The following CACNA1E variants were observed in gnomAD, a reference collection of about 807,000 sequenced individuals.
CACNA1E encodes calcium voltage-gated channel subunit alpha1 E.
CACNA1E carries 40 observed loss-of-function variants against 259.2 expected under a neutral mutation model. The observed-to-expected ratio is 0.15, with a 90% confidence interval of 0.12 to 0.20. CACNA1E has a LOEUF of 0.20. Ranked by LOEUF, CACNA1E falls within the 10% of genes least tolerant of loss-of-function variation. The pLI is 1.00. For missense variants in CACNA1E, 1,874 were observed against 3,040.1 expected (o/e 0.62, Z 9.02); for synonymous variants, 1,104 against 1,138.5 (o/e 0.97, Z 0.61).
chr1:181,637,261 A>G (rs1657300806), intron 6 of CACNA1E, among the ~76,000 whole-genome samples: 1 of 152,202 alleles, frequency 6.6e-6, no homozygotes, highest in African/African-American at 2.4e-5. Context: ...CTTTGTGGCA[A>G]GATATACCTG....
At chr1:181,683,157 A>T (rs1225391799) in intron 7 of CACNA1E, among the ~76,000 whole-genome samples, 3 of 152,116 alleles carry the variant, frequency 2.0e-5, no homozygotes, top group Non-Finnish European at 4.4e-5. Flanking sequence ...GAGTACAGCA[A>T]GGGCATCTTA....
chr1:181,728,837 C>G (rs12063786), intron 18 of CACNA1E, among the ~76,000 whole-genome samples: 9 of 133,548 alleles, frequency 6.7e-5, no homozygotes, highest in South Asian at 5.1e-4. Flanking sequence ...ACCCTGCTCA[C>G]GTGTGTGTAC....
intron 1 of CACNA1E, among the ~76,000 whole-genome samples, chr1:181,327,487 C>A (rs1650888299): frequency 6.6e-6 from 1 of 152,244 alleles, no homozygotes; most frequent in African/African-American, 2.4e-5. Flanking sequence ...TTATATCCAA[C>A]AATTTGTAAT....
chr1:181,698,547 T>G (rs75850019), intron 7 of CACNA1E, among the ~76,000 whole-genome samples: 2,004 of 152,268 alleles, frequency 0.013, 48 homozygotes, highest in African/African-American at 0.046. Context: ...CCAATACAGT[T>G]TTTATTTTTA....
At chr1:181,679,661 G>A (rs182705886) in intron 7 of CACNA1E, among the ~76,000 whole-genome samples, 221 of 152,300 alleles carry the variant, frequency 1.5e-3, no homozygotes, top group Non-Finnish European at 2.7e-3. Context: ...GGATGGCACT[G>A]CAGTGATGGG....
chr1:181,794,875 C>A lies in CACNA1E; in HGVS notation c.6039C>A (p.Asp2013Glu), dbSNP rs1292174239. Residue 2013 changes from aspartate (D) to glutamate (E), a missense_variant, in exon 46 of 48, where the codon GAC (aspartate) becomes GAA (glutamate). By Grantham distance (45) the Asp-to-Glu change is conservative. Transcript: ENST00000367573. ...GCTTGTATTTCCAGGTGGTGACAGA[C>A]CCTAGCTCCATGAGACGTTCATTTT... ...RLTVDPQVVT[D>E]PSSMRRSFST... 16 of 1,612,618 alleles carry A rather than the reference C, an allele frequency of 9.9e-6. No homozygotes were observed. The highest frequency in any genetic ancestry group is 1.3e-5 in the Non-Finnish European group (15 of 1,179,214).
At chr1:181,372,823 TA>T (rs777037782) in intron 1 of CACNA1E, among the ~76,000 whole-genome samples, 1,461 of 133,138 alleles carry the variant, frequency 0.011, 18 homozygotes, top group Middle Eastern at 0.022. Context: ...TATATATATA[TA>T]TATATTTTTT....
intron 1 of CACNA1E, among the ~76,000 whole-genome samples, chr1:181,402,962 A>G (rs1657210535): frequency 6.6e-6 from 1 of 152,192 alleles, no homozygotes; most frequent in Non-Finnish European, 1.5e-5. Context: ...GGGAAAGATA[A>G]AAGTACTTAC....
intron 33 of CACNA1E, 48 bp from the exon 34 acceptor site, chr1:181,763,358 T>C (rs757197234): frequency 1.2e-5 from 18 of 1,491,786 alleles, no homozygotes; most frequent in African/African-American, 1.4e-5. Context: ...TAGATTTTTC[T>C]AAATCACCAT....
chr1:181,701,700 G>C (rs1382942207), intron 7 of CACNA1E, among the ~76,000 whole-genome samples: 1 of 152,122 alleles, frequency 6.6e-6, no homozygotes, highest in Non-Finnish European at 1.5e-5. Context: ...TGGTCCCCTA[G>C]CCCTTTTCTT....
intron 1 of CACNA1E, among the ~76,000 whole-genome samples, chr1:181,368,221 CTCTG>C: frequency 6.7e-6 from 1 of 150,202 alleles, no homozygotes. Flanking sequence ...CAAAGAGAGA[CTCTG>C]TCTAAAAAAA....
intron 3 of CACNA1E, among the ~76,000 whole-genome samples, chr1:181,521,929 A>C (rs967775445): frequency 6.6e-6 from 1 of 152,124 alleles, no homozygotes; most frequent in African/African-American, 2.4e-5. Flanking sequence ...CAGTGATTGT[A>C]ATCTAAGAGG....
At chr1:181,458,055 C>T (rs537047286) in intron 2 of CACNA1E, among the ~76,000 whole-genome samples, 2 of 152,366 alleles carry the variant, frequency 1.3e-5, no homozygotes, top group South Asian at 2.1e-4. Context: ...CCTCCACTCA[C>T]TTCTCCAGTG....
intron 6 of CACNA1E, among the ~76,000 whole-genome samples, chr1:181,643,336 T>C (rs1657972682): frequency 6.6e-6 from 1 of 152,224 alleles, no homozygotes; most frequent in East Asian, 1.9e-4. Flanking sequence ...ACATCAATGT[T>C]GGAATTACTA....
chr1:181,690,478 T>G (rs1320021529), intron 7 of CACNA1E, among the ~76,000 whole-genome samples: 1 of 152,212 alleles, frequency 6.6e-6, no homozygotes, highest in African/African-American at 2.4e-5. Flanking sequence ...TGGTTCCATA[T>G]GTAATTTAAA....
At chr1:181,435,331 C>T (rs1016019333) in intron 2 of CACNA1E, among the ~76,000 whole-genome samples, 2 of 152,208 alleles carry the variant, frequency 1.3e-5, no homozygotes, top group African/African-American at 4.8e-5. Flanking sequence ...GGATAAATTA[C>T]TGGAAGTGAA....
chr1:181,603,627 C>T (rs893994943), intron 6 of CACNA1E, among the ~76,000 whole-genome samples: 1 of 151,832 alleles, frequency 6.6e-6, no homozygotes, highest in African/African-American at 2.4e-5. Flanking sequence ...TTTTTTTCCC[C>T]ATAGGAGAGA....
At chr1:181,422,415 A>G (rs543810968) in intron 2 of CACNA1E, among the ~76,000 whole-genome samples, 2 of 152,364 alleles carry the variant, frequency 1.3e-5, no homozygotes, top group South Asian at 4.1e-4. Context: ...AGCCCTAGCC[A>G]TACCAAACGG....
At chr1:181,701,026 C>A (rs1652197527) in intron 7 of CACNA1E, among the ~76,000 whole-genome samples, 1 of 152,184 alleles carries the variant, frequency 6.6e-6, no homozygotes, top group Admixed American at 6.5e-5. Flanking sequence ...GACTTGTTTT[C>A]ATAAGGAAGA....
Sources: allele counts gnomAD v4.1 joint callset (sites outside exome capture counted in the v4.1 genomes callset), GRCh38; gene constraint gnomAD v4.1.1; transcripts MANE v1.5; gene names NCBI Gene and HGNC (gene_info 2026-07-23, HGNC 2026-07-21).